Variants in SVOP observed in about 807,000 individuals in gnomAD.
SVOP encodes the protein synaptic vesicle 2-related protein.
In SVOP, 17 loss-of-function variants were observed where a neutral mutation model predicts 69.1. The ratio of observed to expected loss-of-function variants is 0.25; its 90% CI spans 0.17 to 0.37. The LOEUF (loss-of-function observed/expected upper bound fraction) is 0.37, where lower values mean the gene tolerates loss of function less well. Ranked by LOEUF, SVOP falls within the 10% of genes least tolerant of loss-of-function variation. The probability of loss-of-function intolerance (pLI) is 1.00; values close to 1 mark genes in which losing one functional copy is unlikely to be tolerated. For synonymous variants in SVOP, 238 were observed against 238.6 expected (o/e 1.00, Z 0.02); for missense variants, 435 against 597.5 (o/e 0.73, Z 2.84).
At chr12:108,969,291 A>T (rs1234367585) in intron 5 of SVOP, among the ~76,000 whole-genome samples, 25 of 74,718 alleles carry the variant, frequency 3.3e-4, no homozygotes, top group East Asian at 7.7e-4. Flanking sequence ...CCCCTTCCTC[A>T]CTCTCTCTCC....
chr12:108,967,057 G>C (rs548323943), intron 5 of SVOP, among the ~76,000 whole-genome samples: 27 of 152,302 alleles, frequency 1.8e-4, no homozygotes, highest in African/African-American at 5.5e-4. Context: ...CTACAGATGA[G>C]AAAACTGAGA....
chr12:109,004,479 C>T lies in SVOP; in HGVS notation c.35+16355G>A, dbSNP rs139302929. Among the ~76,000 whole-genome samples the T allele has an allele frequency of 2.2e-4, 31 of 142,266 alleles. 1 individual carries two copies. Among genetic ancestry groups the T allele is most frequent in the African/African-American group, 7.5e-4 (30 of 39,808 alleles). The allele number at this position is 142,266 out of a possible 152,430, so 93.3% of individuals were successfully genotyped here. A position where few individuals can be genotyped will look rare whatever the true frequency, so the allele number is the denominator to read the frequency against. On this transcript the variant is annotated intron_variant, in intron 1 of 15. Transcript: ENST00000610966. ...CAAGTTTGGAGTGCAGATCTGGGCT[C>T]ACTGCAGCCTCGACTTCCCAGGCTC...
intron 1 of SVOP, among the ~76,000 whole-genome samples, chr12:108,985,679 T>C (rs992478955): frequency 1.4e-4 from 22 of 152,108 alleles, no homozygotes; most frequent in Non-Finnish European, 1.5e-5. Flanking sequence ...ATTTTATTTG[T>C]TAAGAAAAAG....
chr12:108,957,695 G>A (rs186759920), intron 6 of SVOP, among the ~76,000 whole-genome samples: 6 of 152,334 alleles, frequency 3.9e-5, no homozygotes, highest in Admixed American at 1.3e-4. Flanking sequence ...ATGGACAAGC[G>A]CAGCAGCTAT....
intron 15 of SVOP, 86 bp downstream of exon 15, chr12:108,915,697 C>T: frequency 7.2e-7 from 1 of 1,395,686 alleles, no homozygotes; most frequent in Non-Finnish European, 9.7e-7. Context: ...CCCGAGGGCT[C>T]TGGGGACAGT....
At chr12:108,951,945 C>A (rs2137415209) in intron 6 of SVOP, among the ~76,000 whole-genome samples, 1 of 152,252 alleles carries the variant, frequency 6.6e-6, no homozygotes, top group Middle Eastern at 3.4e-3. Flanking sequence ...CAGAATGTAG[C>A]AGAAATGATG....
In SVOP at chr12:108,912,795, C is replaced by T. The variant is rs1593173915; in HGVS notation, c.1441-54G>A. The T allele has an allele frequency of 6.5e-6, 10 of 1,539,558 alleles. No homozygotes were observed. In the East Asian group the frequency reaches 7.0e-5, roughly 11 times the overall value. ...AGCATCCCTTCTGAAGCACAGACAT[C>T]GCCAACCATCAAATAGTATTAGTAA... On this transcript the variant is annotated intron_variant, in intron 15 of 15. Coordinates refer to ENST00000610966, the MANE Select transcript of SVOP (RefSeq NM_018711.5).
intron 6 of SVOP, 46 bp downstream of exon 6, chr12:108,960,877 T>C: frequency 3.3e-6 from 5 of 1,529,802 alleles, no homozygotes; most frequent in Non-Finnish European, 4.4e-6. Context: ...AACAGACACG[T>C]GGATGGGCAG....
At chr12:108,969,824 G>A (rs2040068480) in intron 5 of SVOP, among the ~76,000 whole-genome samples, 2 of 151,956 alleles carry the variant, frequency 1.3e-5, no homozygotes, top group Non-Finnish European at 2.9e-5. Context: ...GAAGTGGGTG[G>A]GAGAGCAGAT....
At chr12:108,972,973 T>A (rs1168027451) in intron 4 of SVOP, among the ~76,000 whole-genome samples, 2 of 152,082 alleles carry the variant, frequency 1.3e-5, no homozygotes, top group Non-Finnish European at 2.9e-5. Flanking sequence ...ATCCTTGGAG[T>A]AACAGCTGGT....
intron 5 of SVOP, among the ~76,000 whole-genome samples, chr12:108,962,298 C>T (rs1436843100): frequency 6.6e-6 from 1 of 151,984 alleles, no homozygotes; most frequent in African/African-American, 2.4e-5. Context: ...GGGGTTTCAC[C>T]ATGTTGCCCA....
intron 4 of SVOP, among the ~76,000 whole-genome samples, chr12:108,973,016 T>C (rs748778899): frequency 3.9e-5 from 6 of 152,108 alleles, no homozygotes; most frequent in Admixed American, 1.3e-4. Flanking sequence ...TATGACAGAA[T>C]GGGGAGCTGA....
chr12:108,912,063 C>G lies in SVOP; in HGVS notation c.*472G>C. On this transcript the variant is annotated 3_prime_UTR_variant, in exon 16 of 16. Coordinates refer to ENST00000610966, the MANE Select transcript of SVOP (RefSeq NM_018711.5). ...ATAGCTGCTCAGACCACACCTAGAT[C>G]GCCTGCAATTTCAAAGAAGAAAGCC... The G allele has an allele frequency of 1.6e-6, 1 of 627,308 alleles. No individual in the cohort carries two copies. Among genetic ancestry groups the G allele is most frequent in the African/African-American group, 2.0e-5 (1 of 50,314 alleles). 38.9% of individuals were successfully genotyped at this position (627,308 alleles called of 1,614,324 possible). A position where few individuals can be genotyped will look rare whatever the true frequency, so the allele number is the denominator to read the frequency against.
At chr12:108,970,030 G>A (rs1479040455) in intron 5 of SVOP, among the ~76,000 whole-genome samples, 2 of 152,194 alleles carry the variant, frequency 1.3e-5, no homozygotes, top group Non-Finnish European at 2.9e-5. Context: ...TGCCTCTGGA[G>A]TTACATTCTT....
chr12:108,938,851 C>T lies in SVOP; in HGVS notation c.873G>A (p.Leu291=), dbSNP rs1157262008. Residue 291 remains leucine (L), a synonymous_variant, in exon 9 of 16, where the codon CTG becomes CTA. Transcript: ENST00000610966. The part of the protein sequence containing the change: ...IATENGAPMP[L]GKLIISRQED... ...CCTGTCTGGAGATGATGAGTTTCCC[C>T]AGCGGCATGGGAGCTCCGTTTTCAG... is the stretch of plus-strand genomic sequence containing the variant. The T allele has an allele frequency of 6.2e-7, 1 of 1,613,924 alleles. No homozygotes were observed. Among genetic ancestry groups the T allele is most frequent in the Non-Finnish European group, 8.5e-7 (1 of 1,179,900 alleles).
chr12:108,927,532 T>G (rs1253859328), intron 11 of SVOP, among the ~76,000 whole-genome samples: 1 of 152,166 alleles, frequency 6.6e-6, no homozygotes, highest in Non-Finnish European at 1.5e-5. Flanking sequence ...CAGAAATATT[T>G]GTCTTTTGTA....
chr12:108,915,757 C>A, intron 15 of SVOP, 26 bp downstream of exon 15: 5 of 1,582,318 alleles, frequency 3.2e-6, no homozygotes, highest in Non-Finnish European at 4.3e-6. Context: ...ACCCCCCATC[C>A]CTCTGTATTT....
At chr12:108,986,664 C>A (rs954150613) in intron 1 of SVOP, among the ~76,000 whole-genome samples, 2 of 152,034 alleles carry the variant, frequency 1.3e-5, no homozygotes, top group Admixed American at 6.6e-5. Context: ...ATGCAAGGGG[C>A]CAATAGGCAC....
chr12:108,959,142 G>T (rs1301824807), intron 6 of SVOP, among the ~76,000 whole-genome samples: 27 of 151,940 alleles, frequency 1.8e-4, no homozygotes, highest in Admixed American at 1.8e-3. Context: ...ACACTACAAG[G>T]GATCGCCCTG....
Sources: gnomAD v4.1 joint callset for allele counts (sites outside exome capture counted in the v4.1 genomes callset) on GRCh38, gnomAD v4.1.1 for gene constraint, MANE v1.5 for transcripts, NCBI Gene and HGNC (gene_info 2026-07-23, HGNC 2026-07-21) for gene names.